Variants in OSBPL9 observed in about 807,000 individuals in gnomAD.
OSBPL9 encodes the protein oxysterol binding protein like 9.
OSBPL9 carries 40 observed loss-of-function variants against 106.6 expected under a neutral mutation model. The ratio of observed to expected loss-of-function variants is 0.38; its 90% CI spans 0.29 to 0.49. OSBPL9 has a LOEUF of 0.49. Among genes scored for constraint, OSBPL9 ranks in the 20% least tolerant of loss-of-function variants. The pLI is 0.97. For synonymous variants in OSBPL9, 269 were observed against 295.4 expected (o/e 0.91, Z 0.92); for missense variants, 609 against 887.2 (o/e 0.69, Z 3.98).
At chr1:51,685,765 A>G (rs552892117) in intron 3 of OSBPL9, among the ~76,000 whole-genome samples, 1 of 152,342 alleles carries the variant, frequency 6.6e-6, no homozygotes, top group East Asian at 1.9e-4. Flanking sequence ...TCTACAAGGC[A>G]TTCATTCTTA....
At chr1:51,726,194 G>C (rs1234328869) in intron 4 of OSBPL9, among the ~76,000 whole-genome samples, 1 of 152,152 alleles carries the variant, frequency 6.6e-6, no homozygotes, top group African/African-American at 2.4e-5. Context: ...TTTTGCTCAG[G>C]GAAGTTGTGA....
the OSBPL9 span, among the ~76,000 whole-genome samples, chr1:51,520,692 C>G: frequency 6.6e-6 from 1 of 152,202 alleles, no homozygotes; most frequent in African/African-American, 2.4e-5. Context: ...GTAGGAGGGA[C>G]AACTGAACAA....
the OSBPL9 span, among the ~76,000 whole-genome samples, chr1:51,529,231 C>T: frequency 6.6e-6 from 1 of 151,720 alleles, no homozygotes; most frequent in Non-Finnish European, 1.5e-5. Flanking sequence ...TTGGAAGACT[C>T]ATGCTTCCTG....
chr1:51,639,066 A>T (rs1215301762), intron 1 of OSBPL9, among the ~76,000 whole-genome samples: 1 of 152,174 alleles, frequency 6.6e-6, no homozygotes, highest in Non-Finnish European at 1.5e-5. Context: ...ACTTTTATTG[A>T]CGTATAATTT....
chr1:51,669,434 G>C lies in OSBPL9; in HGVS notation c.163G>C (p.Gly55Arg). Residue 55 changes from glycine (G) to arginine (R), a missense_variant and splice_region_variant, in exon 3 of 24, where the codon GGA becomes CGA. Gly to Arg is a moderately radical substitution (Grantham distance 125). Coordinates refer to ENST00000428468, the MANE Select transcript of OSBPL9 (RefSeq NM_024586.6). The stretch of plus-strand genomic sequence containing the variant: ...TGGGATTTTGCTCTTTGTTTCACAG[G>C]GAGCTGTGATTGGTATAGACGATGA... ...GSRRGCVRLRGAVIGIDDEDD... is the reference protein window; with the variant it reads ...GSRRGCVRLRRAVIGIDDEDD... The C allele has an allele frequency of 6.2e-7, 1 of 1,613,156 alleles. No individual in the cohort carries two copies. The highest frequency in any genetic ancestry group is 8.5e-7 in the Non-Finnish European group (1 of 1,179,346).
At chr1:51,688,132 T>C (rs749721243) in intron 3 of OSBPL9, among the ~76,000 whole-genome samples, 1 of 152,178 alleles carries the variant, frequency 6.6e-6, no homozygotes, top group Non-Finnish European at 1.5e-5. Flanking sequence ...GGAATTTACA[T>C]TTTCAACTAA....
chr1:51,549,998 A>G, the OSBPL9 span, among the ~76,000 whole-genome samples: 1 of 152,222 alleles, frequency 6.6e-6, no homozygotes, highest in Non-Finnish European at 1.5e-5. Context: ...TGTTAGAGTT[A>G]TTTATAGGGT....
At chr1:51,690,471 G>T (rs943661955) in intron 3 of OSBPL9, among the ~76,000 whole-genome samples, 1 of 152,176 alleles carries the variant, frequency 6.6e-6, no homozygotes, top group Non-Finnish European at 1.5e-5. Context: ...CAGTTTTGGA[G>T]ACTTCAGCTA....
At chr1:51,712,853 ATGT>A (rs2148890886) in intron 3 of OSBPL9, among the ~76,000 whole-genome samples, 1 of 152,324 alleles carries the variant, frequency 6.6e-6, no homozygotes, top group South Asian at 2.1e-4. Flanking sequence ...AGCTAAGATG[ATGT>A]TATCTTCCTA....
At chr1:51,686,486 C>T (rs1191125769) in intron 3 of OSBPL9, among the ~76,000 whole-genome samples, 3 of 152,236 alleles carry the variant, frequency 2.0e-5, no homozygotes, top group South Asian at 2.1e-4. Context: ...TCCTAAACAG[C>T]ATAGCATCCT....
At chr1:51,575,854 AT>A (rs1369009899), upstream of OSBPL9, among the ~76,000 whole-genome samples, 2 of 152,192 alleles carry the variant, frequency 1.3e-5, no homozygotes, top group Non-Finnish European at 2.9e-5. Context: ...GGAAAGTAAC[AT>A]TTTTATTATC....
intron 4 of OSBPL9, among the ~76,000 whole-genome samples, chr1:51,732,626 A>G (rs1664717263): frequency 6.6e-6 from 1 of 151,890 alleles, no homozygotes; most frequent in African/African-American, 2.4e-5. Context: ...TATTTTTCAG[A>G]TTCGTCACTT....
At chr1:51,684,519 GA>G (rs1653306984) in intron 3 of OSBPL9, among the ~76,000 whole-genome samples, 2 of 151,974 alleles carry the variant, frequency 1.3e-5, no homozygotes, top group Admixed American at 1.3e-4. Context: ...TGTCAATTAA[GA>G]AAAAAAGTTT....
At chr1:51,586,240 T>C (rs1645246923) in intron 1 of OSBPL9, among the ~76,000 whole-genome samples, 1 of 151,924 alleles carries the variant, frequency 6.6e-6, no homozygotes, top group East Asian at 1.9e-4. Flanking sequence ...TTGTAGAAAA[T>C]AATGAAAAAA....
the OSBPL9 span, chr1:51,565,956 A>G: frequency 1.3e-5 from 2 of 152,222 alleles, no homozygotes; most frequent in Non-Finnish European, 2.9e-5. Context: ...TATCCAGTAC[A>G]GCTTTCCAGA....
chr1:51,530,170 C>CAAAAAAAAAAAAAAAAAAAAAAAAAAAAA, the OSBPL9 span, among the ~76,000 whole-genome samples: 5 of 11,024 alleles, frequency 4.5e-4, 1 homozygote, highest in Non-Finnish European at 8.2e-4. Flanking sequence ...GACTCTGTCT[C>CAAAAAAAAAAAAAAAAAAAAAAAAAAAAA]AAAAAAAAAA....
rs72896089 is a variant in OSBPL9 at position 51,640,898 on chromosome 1, C to T, written c.112-11093C>T. 7.2e-3 allele frequency among the ~76,000 whole-genome samples: 1,096 copies of T among 151,780 alleles called. 10 individuals are homozygous for T. The highest frequency in any genetic ancestry group is 0.025 in the African/African-American group (1,047 of 41,368). On this transcript the variant is annotated intron_variant, in intron 1 of 23. Coordinates refer to ENST00000428468, the MANE Select transcript of OSBPL9 (RefSeq NM_024586.6). The stretch of plus-strand genomic sequence containing the variant: ...TCCTGGGCTAACAGGATCCTTCCAC[C>T]GCAGCCCCCTGAGTACCTAGGATTA...
At chr1:51,636,122 C>A in intron 1 of OSBPL9, among the ~76,000 whole-genome samples, 1 of 136,592 alleles carries the variant, frequency 7.3e-6, no homozygotes, top group African/African-American at 2.7e-5. Context: ...TTTCTAAAAT[C>A]AATCCTTCCT....
At chr1:51,551,990 T>TGTGTGTGTGTGTGC in the OSBPL9 span, among the ~76,000 whole-genome samples, 1 of 151,896 alleles carries the variant, frequency 6.6e-6, no homozygotes, top group African/African-American at 2.4e-5. Context: ...TGTGTGTGTG[T>TGTGTGTGTGTGTGC]GTGTGTGTGT....
Sources: allele counts gnomAD v4.1 joint callset (sites outside exome capture counted in the v4.1 genomes callset), GRCh38; gene constraint gnomAD v4.1.1; transcripts MANE v1.5; gene names NCBI Gene and HGNC (gene_info 2026-07-23, HGNC 2026-07-21).